CACNA2D1: variants seen among roughly 807,000 people sequenced by gnomAD.
CACNA2D1 encodes voltage-dependent calcium channel subunit alpha-2/delta-1.
CACNA2D1 carries 53 observed loss-of-function variants against 171.5 expected under a neutral mutation model. The observed-to-expected ratio is 0.31, with a 90% CI of 0.25 to 0.39. The LOEUF (loss-of-function observed/expected upper bound fraction) is 0.39, where lower values mean the gene tolerates loss of function less well. CACNA2D1 is among the 10% of genes least tolerant of loss of function. The pLI is 1.00. For missense variants in CACNA2D1, 903 were observed against 1,299.8 expected, an observed-to-expected ratio of 0.69 and a Z score of 4.69; for synonymous variants, 442 against 443.1, an observed-to-expected ratio of 1.00 and a Z score of 0.03.
intron 3 of CACNA2D1, among the ~76,000 whole-genome samples, chr7:82,270,497 A>C (rs1236143915): frequency 6.6e-6 from 1 of 152,088 alleles, no homozygotes; most frequent in Non-Finnish European, 1.5e-5. Context: ...TCTTTCGTTA[A>C]AGGACATTTG....
At chr7:82,126,225 T>C (rs574311317) in intron 5 of CACNA2D1, among the ~76,000 whole-genome samples, 1 of 152,294 alleles carries the variant, frequency 6.6e-6, no homozygotes, top group South Asian at 2.1e-4. Flanking sequence ...CACTCCAGTA[T>C]ATAATCTCAA....
chr7:81,970,660 G>A lies in CACNA2D1; in HGVS notation c.2204+15C>T. The A allele has an allele frequency of 6.9e-7, 1 of 1,439,850 alleles. No individual in the cohort carries two copies. Among genetic ancestry groups the A allele is most frequent in the Non-Finnish European group, 9.8e-7 (1 of 1,021,598 alleles). The allele number at this position is 1,439,850 out of a possible 1,614,324, so 89.2% of individuals were successfully genotyped here. A position where few individuals can be genotyped will look rare whatever the true frequency, so the allele number is the denominator to read the frequency against. ...TTGTAATGTACTTGTTTTTACAGAT[G>A]TTATTTGAACTTACTCTTTGGGATA... is the stretch of plus-strand genomic sequence containing the variant. On this transcript the variant is annotated intron_variant, in intron 27 of 38. Transcript: ENST00000356860.
intron 10 of CACNA2D1, among the ~76,000 whole-genome samples, chr7:82,044,401 T>C (rs2087319288): frequency 6.6e-6 from 1 of 152,214 alleles, no homozygotes; most frequent in Non-Finnish European, 1.5e-5. Flanking sequence ...ATTTTCTCTA[T>C]TTCTGGCATG....
At chr7:82,147,489 C>G (rs1257221764) in intron 4 of CACNA2D1, among the ~76,000 whole-genome samples, 1 of 152,138 alleles carries the variant, frequency 6.6e-6, no homozygotes, top group Non-Finnish European at 1.5e-5. Context: ...CTCCTTTAAT[C>G]TGTAATTCCA....
rs1803534603 is a variant in CACNA2D1, at chr7:82,038,172, T to A, written c.943A>T (p.Lys315Ter). 6.2e-7 allele frequency: 1 copy of A among 1,613,692 alleles called. No homozygotes were observed. The stretch of plus-strand genomic sequence containing the variant: ...TTCACCGCGTCTTTCAACACTTTTT[T>A]ATTTCTTACATTTGCTTGGACAAGG... ...QHLVQANVRN[K>*]KVLKDAVNNI... The change falls in exon 11 of 39, where the codon AAA becomes TAA. Residue 315 changes from lysine to a stop codon, truncating the protein, a stop_gained. Transcript: ENST00000356860. LOFTEE classifies it high-confidence loss of function.
At chr7:82,277,974 T>C (rs1809578003) in intron 3 of CACNA2D1, among the ~76,000 whole-genome samples, 1 of 152,024 alleles carries the variant, frequency 6.6e-6, no homozygotes, top group Non-Finnish European at 1.5e-5. Flanking sequence ...CTCGAACTCC[T>C]GACCTCAAGT....
chr7:82,016,893 A>AT (rs397801160), intron 12 of CACNA2D1, among the ~76,000 whole-genome samples: 2 of 151,862 alleles, frequency 1.3e-5, no homozygotes, highest in Non-Finnish European at 2.9e-5. Flanking sequence ...ATCAATGTAT[A>AT]ATTTGTACCC....
intron 7 of CACNA2D1, among the ~76,000 whole-genome samples, chr7:82,073,717 C>T (rs933369064): frequency 1.3e-5 from 2 of 152,128 alleles, no homozygotes; most frequent in Non-Finnish European, 2.9e-5. Context: ...TCTCCTGCCT[C>T]AGCCTACCGA....
chr7:82,144,734 A>T (rs1171378468), intron 4 of CACNA2D1, among the ~76,000 whole-genome samples: 1 of 152,076 alleles, frequency 6.6e-6, no homozygotes, highest in Non-Finnish European at 1.5e-5. Flanking sequence ...AATCATTACC[A>T]TTTTTAAAAT....
intron 3 of CACNA2D1, among the ~76,000 whole-genome samples, chr7:82,269,889 A>G (rs905950821): frequency 7.2e-5 from 11 of 152,154 alleles, no homozygotes; most frequent in African/African-American, 2.4e-4. Flanking sequence ...CCAACAGTCA[A>G]CACAAACTTT....
intron 6 of CACNA2D1, among the ~76,000 whole-genome samples, chr7:82,091,064 T>C (rs1811096965): frequency 1.3e-5 from 2 of 152,084 alleles, no homozygotes; most frequent in African/African-American, 2.4e-5. Flanking sequence ...AACCTACTGA[T>C]CTAATTAAGT....
In CACNA2D1 at chr7:82,117,036, T is replaced by C. The variant is rs1789139444; in HGVS notation, c.526+8A>G. 1.2e-6 allele frequency: 2 copies of C among 1,613,694 alleles called. No individual in the cohort carries two copies. The highest frequency in any genetic ancestry group is 1.7e-6 in the Non-Finnish European group (2 of 1,179,712). On this transcript the variant is annotated splice_region_variant and intron_variant, in intron 6 of 38. Transcript: ENST00000356860. ...TATTCCAACAGATGTTAACATTCTT[T>C]TACTTACAGCCCTCATAGATGTCAG... is the stretch of plus-strand genomic sequence containing the variant.
chr7:82,242,832 A>G (rs1408833847), intron 3 of CACNA2D1, among the ~76,000 whole-genome samples: 2 of 152,122 alleles, frequency 1.3e-5, no homozygotes, highest in African/African-American at 4.8e-5. Context: ...TTGCAGAAAA[A>G]TTAAATACTT....
intron 3 of CACNA2D1, among the ~76,000 whole-genome samples, chr7:82,285,316 G>C (rs1442909432): frequency 6.6e-6 from 1 of 151,876 alleles, no homozygotes; most frequent in African/African-American, 2.4e-5. Flanking sequence ...TCCTCAATCA[G>C]GCCCCAAATC....
intron 4 of CACNA2D1, among the ~76,000 whole-genome samples, chr7:82,147,481 C>T (rs1793279244): frequency 6.6e-6 from 1 of 152,102 alleles, no homozygotes; most frequent in Admixed American, 6.5e-5. Context: ...GCTTTAATCT[C>T]CTTTAATCTG....
At chr7:82,173,683 T>G (rs898589544) in intron 3 of CACNA2D1, among the ~76,000 whole-genome samples, 1 of 152,026 alleles carries the variant, frequency 6.6e-6, no homozygotes, top group African/African-American at 2.4e-5. Context: ...CACTTCTGTT[T>G]TGGTCAAATG....
intron 12 of CACNA2D1, among the ~76,000 whole-genome samples, chr7:82,032,328 G>T (rs1802802677): frequency 1.3e-5 from 2 of 151,866 alleles, no homozygotes; most frequent in Admixed American, 6.6e-5. Flanking sequence ...AAATGAGGAT[G>T]TAGTTTTTGC....
chr7:81,962,473 A>G lies in CACNA2D1; in HGVS notation c.2803T>C (p.Leu935=). The part of the protein sequence containing the change: ...AAWSILQQFL[L]SLTFPRLLEA... The stretch of plus-strand genomic sequence containing the variant: ...AGGAGTCGTGGAAAGGTCAAACTCA[A>G]GAGAAACTGCTGTAGAATAGACCTG... The change falls in exon 35 of 39, where the codon TTG becomes CTG. Residue 935 remains leucine, a synonymous_variant. Transcript: ENST00000356860. The G allele has an allele frequency of 6.2e-7, 1 of 1,603,572 alleles. No individual in the cohort carries two copies. The highest frequency in any genetic ancestry group is 1.1e-5 in the South Asian group (1 of 89,066).
intron 1 of CACNA2D1, among the ~76,000 whole-genome samples, chr7:82,415,793 G>A (rs914037986): frequency 2.6e-5 from 4 of 151,880 alleles, no homozygotes; most frequent in Non-Finnish European, 5.9e-5. Context: ...AAAATGCCCA[G>A]AAGAAAAGCA....
Sources: allele counts gnomAD v4.1 joint callset (sites outside exome capture counted in the v4.1 genomes callset), GRCh38; gene constraint gnomAD v4.1.1; transcripts MANE v1.5; gene names NCBI Gene and HGNC (gene_info 2026-07-23, HGNC 2026-07-21).